The following MAML3 variants were observed in gnomAD, a reference collection of about 807,000 sequenced individuals.
The protein encoded by MAML3 is mastermind like transcriptional coactivator 3, also known as mastermind-like protein 3.
MAML3 carries 27 observed loss-of-function variants against 101.9 expected under a neutral mutation model. That is an observed-to-expected ratio of 0.27 (90% CI 0.20 to 0.37). MAML3 has a LOEUF of 0.37. Among genes scored for constraint, MAML3 ranks in the 10% least tolerant of loss-of-function variants. MAML3 has a pLI of 1.00. For synonymous variants in MAML3, 501 were observed against 555.9 expected (o/e 0.90, Z 1.39); for missense variants, 1,316 against 1,444.9 (o/e 0.91, Z 1.45).
chr4:140,146,317 C>A (rs1729064678), intron 1 of MAML3, among the ~76,000 whole-genome samples: 1 of 152,114 alleles, frequency 6.6e-6, no homozygotes, highest in African/African-American at 2.4e-5. Flanking sequence ...GAGAAAGGAA[C>A]TCAAAAACCC....
At chr4:140,078,076 A>G (rs7664974) in intron 1 of MAML3, among the ~76,000 whole-genome samples, 5,089 of 151,892 alleles carry the variant, frequency 0.034, 194 homozygotes, top group African/African-American at 0.094. Flanking sequence ...TCTGTTCCCA[A>G]ACACTTCTGG....
chr4:139,779,671 G>A (rs375719417), intron 2 of MAML3, among the ~76,000 whole-genome samples: 3 of 152,300 alleles, frequency 2.0e-5, no homozygotes, highest in South Asian at 4.1e-4. Context: ...ACCGGAACAC[G>A]GACTGGATTC....
At chr4:139,827,583 C>A (rs1053518693) in intron 2 of MAML3, among the ~76,000 whole-genome samples, 3 of 152,164 alleles carry the variant, frequency 2.0e-5, no homozygotes, top group Non-Finnish European at 2.9e-5. Flanking sequence ...TGCCCAGAGT[C>A]AATTTTTTTC....
chr4:139,937,144 T>G (rs1383895371), intron 1 of MAML3, among the ~76,000 whole-genome samples: 2 of 152,218 alleles, frequency 1.3e-5, no homozygotes, highest in Non-Finnish European at 2.9e-5. Flanking sequence ...ACACTCAAAT[T>G]AAAAGTTTTA....
intron 1 of MAML3, among the ~76,000 whole-genome samples, chr4:140,034,767 G>A (rs1428151725): frequency 6.6e-6 from 1 of 152,140 alleles, no homozygotes; most frequent in Non-Finnish European, 1.5e-5. Flanking sequence ...AACAAAGAGG[G>A]CATTGCTATT....
chr4:139,889,296 C>T (rs369452481), intron 2 of MAML3, 61 bp downstream of exon 2: 102 of 1,613,028 alleles, frequency 6.3e-5, no homozygotes, highest in Admixed American at 8.3e-5. Flanking sequence ...GAACATCACA[C>T]ATCGACAGTC....
At chr4:139,900,751 C>T (rs1386625352) in intron 1 of MAML3, among the ~76,000 whole-genome samples, 1 of 152,196 alleles carries the variant, frequency 6.6e-6, no homozygotes, top group Non-Finnish European at 1.5e-5. Flanking sequence ...CAGTAGAATG[C>T]TCTAAACTTC....
chr4:139,752,521 A>C (rs1193576495), intron 2 of MAML3, among the ~76,000 whole-genome samples: 1 of 152,176 alleles, frequency 6.6e-6, no homozygotes, highest in Non-Finnish European at 1.5e-5. Context: ...CTTTGGGGTC[A>C]AAAAGAGGAT....
At chr4:139,840,705 A>G (rs905838244) in intron 2 of MAML3, among the ~76,000 whole-genome samples, 1 of 152,160 alleles carries the variant, frequency 6.6e-6, no homozygotes, top group African/African-American at 2.4e-5. Flanking sequence ...AGCCTGTTGA[A>G]CTAAGAAGCT....
At chr4:139,728,582 G>A (rs1728570780) in intron 3 of MAML3, among the ~76,000 whole-genome samples, 1 of 152,198 alleles carries the variant, frequency 6.6e-6, no homozygotes, top group African/African-American at 2.4e-5. Flanking sequence ...TTGGCCCTGA[G>A]GAAAGTGATC....
At chr4:140,074,267 A>G (rs1160882922) in intron 1 of MAML3, among the ~76,000 whole-genome samples, 1 of 149,094 alleles carries the variant, frequency 6.7e-6, no homozygotes, top group African/African-American at 2.5e-5. Flanking sequence ...GAAAGAGGAC[A>G]TGTGTACTAT....
intron 2 of MAML3, among the ~76,000 whole-genome samples, chr4:139,755,134 C>A (rs2111046366): frequency 6.6e-6 from 1 of 152,364 alleles, no homozygotes; most frequent in Admixed American, 6.5e-5. Flanking sequence ...GCTTGGCCAG[C>A]TGGCCGGCAC....
At chr4:139,888,740 T>C (rs1732390879) in intron 2 of MAML3, 1 of 489,280 alleles carries the variant, frequency 2.0e-6, no homozygotes, top group South Asian at 1.5e-5. Flanking sequence ...AGAGGTTTCA[T>C]TGCACTCCCA....
At chr4:140,005,628 T>C (rs927003779) in intron 1 of MAML3, among the ~76,000 whole-genome samples, 2 of 152,156 alleles carry the variant, frequency 1.3e-5, no homozygotes, top group Admixed American at 6.5e-5. Context: ...GCTGGGAAAA[T>C]TGATTTCTAC....
At chr4:140,049,540 A>G (rs1727234131) in intron 1 of MAML3, among the ~76,000 whole-genome samples, 1 of 152,204 alleles carries the variant, frequency 6.6e-6, no homozygotes, top group Non-Finnish European at 1.5e-5. Flanking sequence ...AGCTTAATAT[A>G]TTGTACTATT....
intron 2 of MAML3, among the ~76,000 whole-genome samples, chr4:139,746,050 A>G (rs547084956): frequency 8.7e-4 from 132 of 152,358 alleles, no homozygotes; most frequent in Non-Finnish European, 1.7e-3. Flanking sequence ...ATGGTGGCCC[A>G]ATTAAAGACT....
At chr4:140,003,598 G>C (rs954422907) in intron 1 of MAML3, among the ~76,000 whole-genome samples, 12 of 152,146 alleles carry the variant, frequency 7.9e-5, no homozygotes, top group Non-Finnish European at 7.3e-5. Context: ...GTTAACACTA[G>C]ACAATTTTCT....
rs1263462765 is a variant in MAML3 at position 140,145,862 on chromosome 4, C to CTTTTTTT, written c.468+6991_468+6997dup. On this transcript the variant is annotated intron_variant, in intron 1 of 4. Transcript: ENST00000509479. Reference sequence around the variant, plus strand: ...ACATGCATGAGCCACTGCGCCTGGCCTTTTTTTTCTTTTTTCTTTTTTTTT... The same window carrying CTTTTTTT: ...ACATGCATGAGCCACTGCGCCTGGCCTTTTTTTTTTTTTTTCTTTTTTCTTTTTTTTT... Among the ~76,000 whole-genome samples, 367 of 46,364 alleles carry CTTTTTTT rather than the reference C, an allele frequency of 7.9e-3. 3 individuals carry two copies. Among genetic ancestry groups the CTTTTTTT allele is most frequent in the African/African-American group, 0.031 (356 of 11,448 alleles). 30.4% of individuals were successfully genotyped at this position (46,364 alleles called of 152,430 possible).
intron 2 of MAML3, among the ~76,000 whole-genome samples, chr4:139,801,881 G>A (rs143210203): frequency 2.0e-5 from 3 of 152,292 alleles, no homozygotes; most frequent in South Asian, 4.1e-4. Context: ...AGGGCAGGCT[G>A]CTGTATAAGT....
Sources: allele counts gnomAD v4.1 joint callset (sites outside exome capture counted in the v4.1 genomes callset), GRCh38; gene constraint gnomAD v4.1.1; transcripts MANE v1.5; gene names NCBI Gene and HGNC (gene_info 2026-07-23, HGNC 2026-07-21).